ARID5B: variants seen among roughly 807,000 people sequenced by gnomAD.
ARID5B encodes AT-rich interactive domain-containing protein 5B.
In ARID5B, 13 loss-of-function variants were observed where a neutral mutation model predicts 97.2. The observed-to-expected ratio is 0.13, with a 90% confidence interval of 0.09 to 0.21. The LOEUF is 0.21. Ranked by LOEUF, ARID5B falls within the 10% of genes least tolerant of loss-of-function variation. The probability of loss-of-function intolerance (pLI) is 1.00; values close to 1 mark genes in which losing one functional copy is unlikely to be tolerated. For synonymous variants in ARID5B, 556 were observed against 570.3 expected (o/e 0.97, Z 0.36); for missense variants, 1,210 against 1,465.3 (o/e 0.83, Z 2.84).
At chr10:62,086,729 G>T (rs921255543) in intron 9 of ARID5B, among the ~76,000 whole-genome samples, 1 of 150,400 alleles carries the variant, frequency 6.6e-6, no homozygotes, top group Non-Finnish European at 1.5e-5. Context: ...GCATGGTGGT[G>T]CCCCGCTGTG....
chr10:61,923,055 A>G (rs1469378820), intron 2 of ARID5B, among the ~76,000 whole-genome samples: 1 of 152,120 alleles, frequency 6.6e-6, no homozygotes, highest in Non-Finnish European at 1.5e-5. Context: ...TCCATGTTAA[A>G]CCTAGTGGGA....
rs540176728 is a variant in ARID5B, at chr10:61,910,014, CT to C, written c.276+7602del. Among the ~76,000 whole-genome samples, 6 of 152,336 alleles carry C rather than the reference CT, an allele frequency of 3.9e-5. 1 individual carries two copies. The South Asian group carries it at 1.2e-3, about 32-fold the overall frequency. On this transcript the variant is annotated intron_variant, in intron 2 of 9. Coordinates refer to ENST00000279873, the MANE Select transcript of ARID5B (RefSeq NM_032199.3). ...ACTAGACTTCAGGAAAGAAGATTCA[CT>C]CCTCGCCTGGTGTTGGTTGGCAGTT...
chr10:62,037,903 G>A (rs1839585821), intron 4 of ARID5B, among the ~76,000 whole-genome samples: 1 of 152,156 alleles, frequency 6.6e-6, no homozygotes, highest in African/African-American at 2.4e-5. Flanking sequence ...GAGTGGAAAA[G>A]CCAATTTGAG....
At chr10:62,017,301 A>G (rs1839296486) in intron 4 of ARID5B, among the ~76,000 whole-genome samples, 1 of 152,062 alleles carries the variant, frequency 6.6e-6, no homozygotes, top group South Asian at 2.1e-4. Flanking sequence ...AAAAATGCAA[A>G]AATTAGCCAG....
intron 7 of ARID5B, among the ~76,000 whole-genome samples, chr10:62,069,404 T>C (rs1840033270): frequency 2.0e-5 from 3 of 152,256 alleles, no homozygotes; most frequent in Non-Finnish European, 4.4e-5. Flanking sequence ...GAACAGGGTA[T>C]GAGTATGAGT....
intron 8 of ARID5B, among the ~76,000 whole-genome samples, chr10:62,081,292 G>GCCCCCA (rs1020283801): frequency 3.3e-5 from 5 of 152,188 alleles, no homozygotes; most frequent in African/African-American, 1.2e-4. Context: ...ACCACTTCTT[G>GCCCCCA]CCCCCACTCT....
At chr10:62,049,285 C>T (rs1297302403) in intron 4 of ARID5B, 2 of 1,456,270 alleles carry the variant, frequency 1.4e-6, no homozygotes, top group Non-Finnish European at 9.1e-7. Flanking sequence ...CTAGTCACTG[C>T]TGTGTGTTTA....
chr10:61,954,145 G>C (rs1838359759), intron 3 of ARID5B, among the ~76,000 whole-genome samples: 1 of 152,082 alleles, frequency 6.6e-6, no homozygotes, highest in African/African-American at 2.4e-5. Flanking sequence ...ATCACCTGAG[G>C]TTGGGAGTTC....
chr10:61,979,865 G>A (rs1401477824), intron 3 of ARID5B, among the ~76,000 whole-genome samples: 2 of 152,196 alleles, frequency 1.3e-5, no homozygotes, highest in African/African-American at 2.4e-5. Context: ...GCCAAGGTAG[G>A]CGTATCACCT....
intron 8 of ARID5B, among the ~76,000 whole-genome samples, chr10:62,082,177 T>C (rs1409792319): frequency 6.6e-6 from 1 of 152,180 alleles, no homozygotes; most frequent in Non-Finnish European, 1.5e-5. Flanking sequence ...GCTACAAATC[T>C]TATGCCTATG....
intron 4 of ARID5B, among the ~76,000 whole-genome samples, chr10:62,020,350 ATAT>A (rs1839340157): frequency 6.6e-6 from 1 of 152,182 alleles, no homozygotes; most frequent in African/African-American, 2.4e-5. Context: ...TTGCATGATA[ATAT>A]TTTTCCTCCC....
chr10:62,089,916 T>A (rs1840345652), intron 9 of ARID5B, among the ~76,000 whole-genome samples: 1 of 152,196 alleles, frequency 6.6e-6, no homozygotes, highest in African/African-American at 2.4e-5. Flanking sequence ...CTAAGACATG[T>A]CAGGGCAGAA....
At chr10:61,906,499 G>T (rs1843710519) in intron 2 of ARID5B, among the ~76,000 whole-genome samples, 1 of 152,188 alleles carries the variant, frequency 6.6e-6, no homozygotes, top group Non-Finnish European at 1.5e-5. Flanking sequence ...GGGTGGATAT[G>T]CAAGCTTGGA....
At chr10:61,954,053 T>C (rs1589233317) in intron 3 of ARID5B, among the ~76,000 whole-genome samples, 1 of 152,148 alleles carries the variant, frequency 6.6e-6, no homozygotes. Context: ...GTTTTTAATG[T>C]GATTTTTAAA....
chr10:61,999,510 A>G (rs953122523), intron 3 of ARID5B, among the ~76,000 whole-genome samples: 2 of 152,144 alleles, frequency 1.3e-5, no homozygotes, highest in African/African-American at 4.8e-5. Flanking sequence ...CTCGTGGCTG[A>G]CTGGGAGCTG....
chr10:61,919,254 A>AT (rs1843968718), intron 2 of ARID5B, among the ~76,000 whole-genome samples: 1 of 152,156 alleles, frequency 6.6e-6, no homozygotes, highest in African/African-American at 2.4e-5. Flanking sequence ...CATTGAATTC[A>AT]TTTTAAATAT....
intron 8 of ARID5B, among the ~76,000 whole-genome samples, chr10:62,080,993 T>C (rs1404314656): frequency 1.3e-5 from 2 of 152,036 alleles, no homozygotes; most frequent in African/African-American, 4.8e-5. Flanking sequence ...TGGCTAATTA[T>C]TGTATTTTTA....
chr10:61,999,009 C>T (rs1049920298), intron 3 of ARID5B, among the ~76,000 whole-genome samples: 1 of 152,224 alleles, frequency 6.6e-6, no homozygotes, highest in African/African-American at 2.4e-5. Context: ...TAGATGGTCA[C>T]AGCAAAGACA....
At chr10:62,014,240 C>T (rs565249791) in intron 4 of ARID5B, among the ~76,000 whole-genome samples, 1 of 152,296 alleles carries the variant, frequency 6.6e-6, no homozygotes, top group Non-Finnish European at 1.5e-5. Context: ...TTTAATCACA[C>T]TTTATGCACA....
Sources: gnomAD v4.1 joint callset for allele counts (sites outside exome capture counted in the v4.1 genomes callset) on GRCh38, gnomAD v4.1.1 for gene constraint, MANE v1.5 for transcripts, NCBI Gene and HGNC (gene_info 2026-07-23, HGNC 2026-07-21) for gene names.